EPM2A: variants seen among roughly 807,000 people sequenced by gnomAD.
EPM2A encodes laforin.
Under a neutral mutation model 26.5 loss-of-function variants are expected in EPM2A, and 21 were observed. The ratio of observed to expected loss-of-function variants is 0.79; its 90% confidence interval spans 0.56 to 1.14. The LOEUF (loss-of-function observed/expected upper bound fraction) is 1.14. Ranked by LOEUF, EPM2A falls within the 50% of genes most tolerant of loss-of-function variation. The pLI, the probability that EPM2A is intolerant of heterozygous loss-of-function variation, is 0.00. For missense variants in EPM2A, 458 were observed against 440.8 expected, an observed-to-expected ratio of 1.04 and a Z score of -0.35; for synonymous variants, 217 against 177.6, an observed-to-expected ratio of 1.22 and a Z score of -1.76.
intron 2 of EPM2A, among the ~76,000 whole-genome samples, chr6:145,656,164 C>T (rs754823121): frequency 6.6e-6 from 1 of 152,192 alleles, no homozygotes; most frequent in Non-Finnish European, 1.5e-5. Context: ...TAGAGACATA[C>T]AGCACTCACT....
chr6:145,400,241 G>C (rs1778464684), intron 4 of EPM2A, among the ~76,000 whole-genome samples: 1 of 152,066 alleles, frequency 6.6e-6, no homozygotes, highest in Admixed American at 6.6e-5. Context: ...CTTGGCCAAA[G>C]GCATAAATGA....
chr6:145,465,571 T>C (rs1290671161), intron 4 of EPM2A, among the ~76,000 whole-genome samples: 1 of 151,478 alleles, frequency 6.6e-6, no homozygotes, highest in African/African-American at 2.4e-5. Context: ...CCAGTTTTTC[T>C]GCTCTGTTTT....
intron 4 of EPM2A, among the ~76,000 whole-genome samples, chr6:145,449,075 A>C (rs1779165068): frequency 6.6e-6 from 1 of 152,210 alleles, no homozygotes; most frequent in Non-Finnish European, 1.5e-5. Flanking sequence ...GTTTCACCTA[A>C]GGAGTGATGC....
chr6:145,542,589 C>T lies in EPM2A; in HGVS notation c.341-40014G>A, dbSNP rs146968214. On this transcript the variant is annotated intron_variant, in intron 2 of 3. Transcript: ENST00000450221. The stretch of plus-strand genomic sequence containing the variant: ...AGGGAATGAAATACTTTTCATAAAG[C>T]CAATTAGAGCATATTCACCTGATGT... Among the ~76,000 whole-genome samples the T allele has an allele frequency of 1.1e-4, 17 of 152,280 alleles. No individual in the cohort carries two copies. In the East Asian group the frequency reaches 2.5e-3, roughly 22 times the overall value.
At chr6:145,712,261 A>G (rs952520303) in intron 1 of EPM2A, among the ~76,000 whole-genome samples, 4 of 152,156 alleles carry the variant, frequency 2.6e-5, no homozygotes, top group African/African-American at 9.7e-5. Flanking sequence ...TGATAGGAAG[A>G]GGACCAATAA....
chr6:145,650,911 T>C (rs1777838358), intron 2 of EPM2A, among the ~76,000 whole-genome samples: 1 of 152,198 alleles, frequency 6.6e-6, no homozygotes, highest in Non-Finnish European at 1.5e-5. Context: ...CAATTTCTAC[T>C]TATGCTAATT....
At chr6:145,433,908 G>C (rs191002293) in intron 4 of EPM2A, among the ~76,000 whole-genome samples, 1 of 151,992 alleles carries the variant, frequency 6.6e-6, no homozygotes, top group Non-Finnish European at 1.5e-5. Context: ...TTCCAGCTGG[G>C]ATCATGTCCC....
At chr6:145,647,058 C>T (rs142426773) in intron 2 of EPM2A, among the ~76,000 whole-genome samples, 30 of 152,314 alleles carry the variant, frequency 2.0e-4, no homozygotes, top group Middle Eastern at 3.4e-3. Flanking sequence ...ATATCAACAG[C>T]CTCCAAAATG....
At position 145,529,693 on chromosome 6, in the gene EPM2A, C is replaced by T. The variant is rs528428362; in HGVS notation, c.341-27118G>A. ...GCCTGGATCCAAACCCACATTATCT[C>T]TGAAGTATGCCTGTGCATGCAAAAG... On this transcript the variant is annotated intron_variant, in intron 2 of 3. Transcript: ENST00000450221. Among the ~76,000 whole-genome samples the T allele has an allele frequency of 2.0e-5, 3 of 152,272 alleles. No individual in the cohort carries two copies. In the East Asian group the frequency reaches 5.8e-4, roughly 29 times the overall value.
At chr6:145,698,937 T>A (rs931021976) in intron 1 of EPM2A, among the ~76,000 whole-genome samples, 2 of 152,180 alleles carry the variant, frequency 1.3e-5, no homozygotes, top group African/African-American at 4.8e-5. Context: ...AGAGAAGCAT[T>A]ACCAGTAACG....
intron 4 of EPM2A, among the ~76,000 whole-genome samples, chr6:145,444,913 T>G (rs9497307): frequency 0.066 from 8,484 of 127,778 alleles, 788 homozygotes; most frequent in African/African-American, 0.21. Context: ...TCCAAAATAT[T>G]TTTAGAAAAT....
chr6:145,707,105 C>T (rs1462069238), intron 1 of EPM2A, among the ~76,000 whole-genome samples: 1 of 152,172 alleles, frequency 6.6e-6, no homozygotes, highest in East Asian at 1.9e-4. Flanking sequence ...GCCTCCAGAA[C>T]TGTGAGAAAT....
chr6:145,709,537 G>A (rs535235958), intron 1 of EPM2A, among the ~76,000 whole-genome samples: 39 of 152,288 alleles, frequency 2.6e-4, no homozygotes, highest in Admixed American at 2.6e-3. Flanking sequence ...ACATGATTAT[G>A]AGGCCTCCCC....
intron 1 of EPM2A, among the ~76,000 whole-genome samples, chr6:145,698,165 C>T (rs1781717776): frequency 6.6e-6 from 1 of 152,182 alleles, no homozygotes; most frequent in South Asian, 2.1e-4. Context: ...TCCCTGACCT[C>T]CCGCAACAAT....
At chr6:145,516,719 GA>G (rs1780132359) in intron 2 of EPM2A, among the ~76,000 whole-genome samples, 1 of 152,140 alleles carries the variant, frequency 6.6e-6, no homozygotes, top group Non-Finnish European at 1.5e-5. Context: ...TCAAGAGGAT[GA>G]ACCTCAAATA....
chr6:145,509,644 T>C (rs1180325455), intron 2 of EPM2A, among the ~76,000 whole-genome samples: 1 of 152,102 alleles, frequency 6.6e-6, no homozygotes, highest in East Asian at 1.9e-4. Flanking sequence ...CAGAAGCACA[T>C]AGCCTATGGA....
chr6:145,458,118 T>TA (rs1355557726), intron 4 of EPM2A, among the ~76,000 whole-genome samples: 1 of 152,216 alleles, frequency 6.6e-6, no homozygotes, highest in African/African-American at 2.4e-5. Context: ...TTCTCATTCT[T>TA]AGAGTATTTC....
At chr6:145,680,362 CATTTATTT>C (rs201867944) in intron 2 of EPM2A, among the ~76,000 whole-genome samples, 3 of 143,646 alleles carry the variant, frequency 2.1e-5, no homozygotes, top group African/African-American at 7.8e-5. Flanking sequence ...GCGTAAGTTT[CATTTATTT>C]ATTTATTTAT....
At chr6:145,541,114 T>C (rs552914107) in intron 2 of EPM2A, among the ~76,000 whole-genome samples, 1 of 152,112 alleles carries the variant, frequency 6.6e-6, no homozygotes, top group South Asian at 2.1e-4. Context: ...GAAAAAAGCA[T>C]GTATGAAAAC....
Sources: gnomAD v4.1 joint callset for allele counts (sites outside exome capture counted in the v4.1 genomes callset) on GRCh38, gnomAD v4.1.1 for gene constraint, MANE v1.5 for transcripts, NCBI Gene and HGNC (gene_info 2026-07-23, HGNC 2026-07-21) for gene names.